Variants in GALNTL6 observed in about 807,000 individuals in gnomAD.
GALNTL6 encodes polypeptide N-acetylgalactosaminyltransferase like 6.
A neutral mutation model predicts 73.7 loss-of-function variants in GALNTL6; 46 were observed. That is an observed-to-expected ratio of 0.62 (90% confidence interval 0.49 to 0.80). The LOEUF (loss-of-function observed/expected upper bound fraction) is 0.80, where lower values mean the gene tolerates loss of function less well. Ranked by LOEUF, GALNTL6 falls within the 30% of genes least tolerant of loss-of-function variation. GALNTL6 has a pLI of 0.00. For missense variants in GALNTL6, 604 were observed against 755.0 expected, an observed-to-expected ratio of 0.80 and a Z score of 2.34; for synonymous variants, 259 against 263.7, an observed-to-expected ratio of 0.98 and a Z score of 0.17.
chr4:172,458,965 T>A (rs1468363120), intron 5 of GALNTL6, among the ~76,000 whole-genome samples: 1 of 152,148 alleles, frequency 6.6e-6, no homozygotes, highest in Admixed American at 6.5e-5. Flanking sequence ...AAATCCTCAA[T>A]AAAATACTGG....
intron 5 of GALNTL6, among the ~76,000 whole-genome samples, chr4:172,753,897 T>C (rs1343710603): frequency 2.6e-5 from 4 of 152,076 alleles, no homozygotes; most frequent in Non-Finnish European, 5.9e-5. Context: ...ACTACAAAGA[T>C]GCCCACGAGC....
intron 5 of GALNTL6, among the ~76,000 whole-genome samples, chr4:172,647,332 C>T (rs921666220): frequency 1.3e-5 from 2 of 152,014 alleles, no homozygotes; most frequent in East Asian, 1.9e-4. Context: ...GCTCAGGCCT[C>T]GACTCATCAG....
At chr4:172,954,764 G>A (rs1335851728) in intron 10 of GALNTL6, among the ~76,000 whole-genome samples, 2 of 151,894 alleles carry the variant, frequency 1.3e-5, no homozygotes, top group African/African-American at 4.8e-5. Context: ...CACCACACCC[G>A]GCAACAGATT....
At chr4:172,551,214 A>T (rs139324022) in intron 5 of GALNTL6, among the ~76,000 whole-genome samples, 19 of 152,140 alleles carry the variant, frequency 1.2e-4, no homozygotes, top group Admixed American at 1.1e-3. Context: ...TTTTTCTTCT[A>T]TGTTTTGTTC....
chr4:172,357,912 A>G (rs894616867), intron 5 of GALNTL6, among the ~76,000 whole-genome samples: 1 of 152,138 alleles, frequency 6.6e-6, no homozygotes, highest in Admixed American at 6.6e-5. Context: ...AACTTAGTGG[A>G]GACACATTTT....
Position 172,086,855 on chromosome 4 carries a change from T to C in GALNTL6, c.139-142801T>C, listed in dbSNP as rs1318770246. ...ATTTACTTAACAAAATTTTGACAGA[T>C]TATGGGTATTTATTTAACTAAAAAT... is the stretch of plus-strand genomic sequence containing the variant. On this transcript the variant is annotated intron_variant, in intron 2 of 12. Coordinates refer to ENST00000506823, the MANE Select transcript of GALNTL6 (RefSeq NM_001034845.3). 4.6e-5 allele frequency among the ~76,000 whole-genome samples: 7 copies of C among 152,300 alleles called. 1 individual carries two copies. The South Asian group carries it at 1.4e-3, about 32-fold the overall frequency.
intron 5 of GALNTL6, among the ~76,000 whole-genome samples, chr4:172,546,934 C>G (rs1464373339): frequency 6.6e-6 from 1 of 150,736 alleles, no homozygotes; most frequent in East Asian, 2.0e-4. Context: ...CATCACCCAT[C>G]CGTGACCAGA....
intron 5 of GALNTL6, among the ~76,000 whole-genome samples, chr4:172,709,835 A>G: frequency 6.6e-6 from 1 of 152,182 alleles, no homozygotes; most frequent in East Asian, 1.9e-4. Flanking sequence ...ATAAAGGTGT[A>G]GATCGATAGA....
chr4:172,372,851 G>A (rs374412527), intron 5 of GALNTL6, among the ~76,000 whole-genome samples: 1 of 152,078 alleles, frequency 6.6e-6, no homozygotes, highest in East Asian at 1.9e-4. Context: ...AGGAACACCT[G>A]CAACTGTTTT....
intron 2 of GALNTL6, among the ~76,000 whole-genome samples, chr4:171,817,007 G>T (rs2110795152): frequency 6.6e-6 from 1 of 152,078 alleles, no homozygotes; most frequent in African/African-American, 2.4e-5. Flanking sequence ...AACATAATTT[G>T]GCTACTGGGT....
chr4:172,636,452 T>A (rs1170565556), intron 5 of GALNTL6, among the ~76,000 whole-genome samples: 1 of 152,188 alleles, frequency 6.6e-6, no homozygotes, highest in Admixed American at 6.5e-5. Context: ...GATCAGAGGA[T>A]TCCTCTACAT....
intron 3 of GALNTL6, among the ~76,000 whole-genome samples, chr4:172,235,368 C>T (rs534668037): frequency 8.8e-4 from 133 of 151,856 alleles, no homozygotes; most frequent in Non-Finnish European, 5.3e-4. Flanking sequence ...CCACCATGCC[C>T]GGCTAATTTT....
chr4:172,850,912 G>T (rs1437750385), intron 7 of GALNTL6, among the ~76,000 whole-genome samples: 1 of 152,108 alleles, frequency 6.6e-6, no homozygotes, highest in Non-Finnish European at 1.5e-5. Context: ...GAGGCAGGGA[G>T]CTTCCATGTC....
intron 3 of GALNTL6, among the ~76,000 whole-genome samples, chr4:172,302,247 A>G (rs935372831): frequency 2.6e-5 from 4 of 151,944 alleles, no homozygotes; most frequent in Admixed American, 2.0e-4. Context: ...GAGTGACCCA[A>G]TTTTCCAGGT....
At chr4:173,007,634 C>T (rs1342967829) in intron 10 of GALNTL6, among the ~76,000 whole-genome samples, 1 of 152,066 alleles carries the variant, frequency 6.6e-6, no homozygotes, top group Non-Finnish European at 1.5e-5. Flanking sequence ...TGGTGAAACC[C>T]CATCTCTATA....
intron 5 of GALNTL6, among the ~76,000 whole-genome samples, chr4:172,425,899 A>G (rs1265650902): frequency 6.6e-6 from 1 of 152,098 alleles, no homozygotes; most frequent in Non-Finnish European, 1.5e-5. Context: ...AAAGTTGTGG[A>G]TTTTAAAAGA....
chr4:171,946,833 A>G (rs1009388245), intron 2 of GALNTL6, among the ~76,000 whole-genome samples: 2 of 151,608 alleles, frequency 1.3e-5, no homozygotes, highest in Non-Finnish European at 2.9e-5. Context: ...AGGGGCCAGA[A>G]GAGAAGGTCT....
chr4:172,051,209 G>C (rs917061938), intron 2 of GALNTL6, among the ~76,000 whole-genome samples: 3 of 152,102 alleles, frequency 2.0e-5, no homozygotes, highest in African/African-American at 7.2e-5. Context: ...GCAGGTGCAG[G>C]AGCTGAGGTG....
At chr4:172,483,671 C>G (rs1481765440) in intron 5 of GALNTL6, among the ~76,000 whole-genome samples, 1 of 151,986 alleles carries the variant, frequency 6.6e-6, no homozygotes, top group Non-Finnish European at 1.5e-5. Context: ...TTTTTGAAGT[C>G]TTGAGTGAAA....
Sources: allele counts gnomAD v4.1 joint callset (sites outside exome capture counted in the v4.1 genomes callset), GRCh38; gene constraint gnomAD v4.1.1; transcripts MANE v1.5; gene names NCBI Gene and HGNC (gene_info 2026-07-23, HGNC 2026-07-21).